Variants in BICD1 observed in about 807,000 individuals in gnomAD.
The protein encoded by BICD1 is BICD cargo adaptor 1.
A neutral mutation model predicts 92.5 loss-of-function variants in BICD1; 35 were observed. The observed-to-expected ratio is 0.38, with a 90% confidence interval of 0.29 to 0.50. The LOEUF (loss-of-function observed/expected upper bound fraction) is 0.50, where lower values mean the gene tolerates loss of function less well. Ranked by LOEUF, BICD1 falls within the 20% of genes least tolerant of loss-of-function variation. The pLI, the probability that BICD1 is intolerant of heterozygous loss-of-function variation, is 0.93. For missense variants in BICD1, 950 were observed against 1,189.8 expected, an observed-to-expected ratio of 0.80 and a Z score of 2.97; for synonymous variants, 429 against 465.1, an observed-to-expected ratio of 0.92 and a Z score of 1.00.
chr12:32,227,505 C>T (rs374414719), intron 2 of BICD1: 1 of 152,628 alleles, frequency 6.6e-6, no homozygotes, highest in African/African-American at 2.4e-5. Context: ...ACAACTGCTT[C>T]TGTGGCTCTG....
chr12:32,231,751 C>G (rs960508908), intron 2 of BICD1, among the ~76,000 whole-genome samples: 2 of 136,230 alleles, frequency 1.5e-5, no homozygotes, highest in African/African-American at 5.5e-5. Flanking sequence ...CCCCCCACCC[C>G]ACAACAGTCC....
rs16919802 is a variant in BICD1, at chr12:32,365,647, G to A, written c.2765-2023G>A. On this transcript the variant is annotated intron_variant, in intron 8 of 9. Transcript: ENST00000652176. ...ATTGCATTTACCCAAATACACCATCGGAGGGCAGCACACACCTGGTTGACT... is the reference window on the plus strand; with the variant it reads ...ATTGCATTTACCCAAATACACCATCAGAGGGCAGCACACACCTGGTTGACT... Among the ~76,000 whole-genome samples the A allele has an allele frequency of 0.017, 2,580 of 152,234 alleles. 122 individuals are homozygous for A. In the East Asian group the frequency reaches 0.19, roughly 11 times the overall value.
At chr12:32,166,483 T>C (rs1369131289) in intron 1 of BICD1, among the ~76,000 whole-genome samples, 1 of 152,124 alleles carries the variant, frequency 6.6e-6, no homozygotes, top group African/African-American at 2.4e-5. Context: ...GCTTCTGGCA[T>C]CTAGTGGGTA....
rs192941465 is a variant in BICD1, at chr12:32,281,499, C to T, written c.427-12495C>T. Among the ~76,000 whole-genome samples the T allele has an allele frequency of 7.7e-3, 1,175 of 152,270 alleles. 5 individuals carry two copies. Among genetic ancestry groups the T allele is most frequent in the Middle Eastern group, 0.031 (9 of 294 alleles). Reference sequence around the variant, plus strand: ...CACAGAGATGTGTTTCTCTGGCCCTCATTAATTGTAACCAACCCTAAGAGA... The same window carrying T: ...CACAGAGATGTGTTTCTCTGGCCCTTATTAATTGTAACCAACCCTAAGAGA... On this transcript the variant is annotated intron_variant, in intron 2 of 9. Transcript: ENST00000652176.
intron 9 of BICD1, among the ~76,000 whole-genome samples, chr12:32,371,165 T>C (rs1939725058): frequency 6.6e-6 from 1 of 152,222 alleles, no homozygotes; most frequent in African/African-American, 2.4e-5. Context: ...AAAAGCAATT[T>C]AATGAATTAC....
At chr12:32,364,162 A>G (rs770150689) in intron 8 of BICD1, among the ~76,000 whole-genome samples, 11 of 152,256 alleles carry the variant, frequency 7.2e-5, no homozygotes, top group Admixed American at 1.3e-4. Context: ...ACAAAATAGG[A>G]GTTTAGTAAC....
At chr12:32,118,091 A>ATTTTATTTTATTTTATTTTTT (rs1555126592) in intron 1 of BICD1, among the ~76,000 whole-genome samples, 3 of 46,832 alleles carry the variant, frequency 6.4e-5, no homozygotes, top group African/African-American at 2.0e-4. Flanking sequence ...TATTTTATTT[A>ATTTTATTTTATTTTATTTTTT]TTTTTTTTGA....
chr12:32,233,674 A>C (rs1409942441), intron 2 of BICD1, among the ~76,000 whole-genome samples: 2 of 152,144 alleles, frequency 1.3e-5, no homozygotes, highest in Non-Finnish European at 2.9e-5. Context: ...TCTTGGACTA[A>C]AAATAGCTCA....
chr12:32,117,727 C>T (rs1565526243), intron 1 of BICD1, among the ~76,000 whole-genome samples: 9 of 107,156 alleles, frequency 8.4e-5, no homozygotes, highest in African/African-American at 2.8e-4. Context: ...CACACACACA[C>T]ACACACACAT....
intron 2 of BICD1, among the ~76,000 whole-genome samples, chr12:32,253,286 A>G (rs1036675079): frequency 2.0e-5 from 3 of 152,114 alleles, no homozygotes; most frequent in Non-Finnish European, 4.4e-5. Context: ...TAATGCCAGG[A>G]ATTATGCTAG....
chr12:32,302,827 A>G (rs1373610085), intron 3 of BICD1, among the ~76,000 whole-genome samples: 1 of 146,708 alleles, frequency 6.8e-6, no homozygotes. Flanking sequence ...ATGGTCTCCA[A>G]TATTGACTCT....
chr12:32,156,011 T>G (rs1943424988), intron 1 of BICD1, among the ~76,000 whole-genome samples: 1 of 152,186 alleles, frequency 6.6e-6, no homozygotes, highest in Non-Finnish European at 1.5e-5. Context: ...CATAACACCT[T>G]TACAATGGAG....
intron 1 of BICD1, among the ~76,000 whole-genome samples, chr12:32,159,136 G>A (rs1357536561): frequency 2.6e-5 from 4 of 152,090 alleles, no homozygotes; most frequent in Non-Finnish European, 2.9e-5. Flanking sequence ...GTTTCATCAC[G>A]TTGGCTAGGC....
chr12:32,329,132 TCTCG>T (rs1218995989), intron 5 of BICD1, among the ~76,000 whole-genome samples: 4 of 151,926 alleles, frequency 2.6e-5, no homozygotes, highest in African/African-American at 9.7e-5. Flanking sequence ...TGAGACAGAG[TCTCG>T]CTCTGTTGTC....
At chr12:32,340,543 T>A (rs1013427856) in intron 8 of BICD1, 3 of 913,956 alleles carry the variant, frequency 3.3e-6, no homozygotes, top group Admixed American at 1.2e-4. Flanking sequence ...ATAACTCCTA[T>A]TGCTGTTTAA....
rs186314894 is a variant in BICD1, at chr12:32,263,617, A to T, written c.427-30377A>T. On this transcript the variant is annotated intron_variant, in intron 2 of 9. Transcript: ENST00000652176. Reference sequence around the variant, plus strand: ...GTTTCAAGTATTAACAAATAAAAGAATGCATGCTAAATAATTATTTGCAAC... The same window carrying T: ...GTTTCAAGTATTAACAAATAAAAGATTGCATGCTAAATAATTATTTGCAAC... Among the ~76,000 whole-genome samples, 656 of 152,246 alleles carry T rather than the reference A, an allele frequency of 4.3e-3. 1 individual carries two copies. Among genetic ancestry groups the T allele is most frequent in the Non-Finnish European group, 7.4e-3 (504 of 68,016 alleles).
intron 1 of BICD1, among the ~76,000 whole-genome samples, chr12:32,175,555 G>A (rs1944066845): frequency 6.6e-6 from 1 of 152,136 alleles, no homozygotes; most frequent in Admixed American, 6.5e-5. Flanking sequence ...GACCTCGGGT[G>A]ATCCACCCAC....
intron 1 of BICD1, among the ~76,000 whole-genome samples, chr12:32,186,020 C>T (rs764012705): frequency 7.9e-5 from 12 of 152,180 alleles, no homozygotes; most frequent in Admixed American, 1.3e-4. Flanking sequence ...ATCCACTCTC[C>T]CCCAACTCCT....
chr12:32,339,750 C>T, intron 8 of BICD1: 2 of 985,230 alleles, frequency 2.0e-6, no homozygotes, highest in South Asian at 4.7e-5. Context: ...AGCCCATAAA[C>T]CAAAGTAAGC....
Sources: allele counts gnomAD v4.1 joint callset (sites outside exome capture counted in the v4.1 genomes callset), GRCh38; gene constraint gnomAD v4.1.1; transcripts MANE v1.5; gene names NCBI Gene and HGNC (gene_info 2026-07-23, HGNC 2026-07-21).